Variants in HECW2 observed in about 807,000 individuals in gnomAD.
The protein encoded by HECW2 is HECT, C2 and WW domain containing E3 ubiquitin protein ligase 2, also known as E3 ubiquitin-protein ligase HECW2.
A neutral mutation model predicts 175.2 loss-of-function variants in HECW2; 61 were observed. The ratio of observed to expected loss-of-function variants is 0.35; its 90% confidence interval spans 0.28 to 0.43. HECW2 has a LOEUF of 0.43. Ranked by LOEUF, HECW2 falls within the 20% of genes least tolerant of loss-of-function variation. HECW2 has a pLI of 1.00. For synonymous variants in HECW2, 671 were observed against 731.0 expected (o/e 0.92, Z 1.32); for missense variants, 1,524 against 2,000.5 (o/e 0.76, Z 4.54).
At chr2:196,392,042 T>C (rs1476891776) in intron 2 of HECW2, among the ~76,000 whole-genome samples, 2 of 152,168 alleles carry the variant, frequency 1.3e-5, no homozygotes, top group East Asian at 3.8e-4. Flanking sequence ...GCAAAGACCC[T>C]ACTTCCAAGC....
rs552494211 is a variant in HECW2, at chr2:196,469,001, C to T, written c.-35-35543G>A. On this transcript the variant is annotated intron_variant, in intron 1 of 28. Coordinates refer to ENST00000644978, the MANE Select transcript of HECW2 (RefSeq NM_001348768.2). ...TATCGTGATGGAAGAAGCAACAATT[C>T]TTTTTCAAGGAGAGGAGGTGATATG... 2.0e-5 allele frequency among the ~76,000 whole-genome samples: 3 copies of T among 152,130 alleles called. No homozygotes were observed. The South Asian group carries it at 6.2e-4, about 32-fold the overall frequency.
intron 24 of HECW2, 79 bp downstream of exon 24, chr2:196,222,132 T>A (rs2105820857): frequency 7.6e-7 from 1 of 1,310,796 alleles, no homozygotes; most frequent in East Asian, 2.4e-5. Flanking sequence ...GCATCTGATC[T>A]TAGCCATGGA....
In HECW2 at chr2:196,373,815, G is replaced by A. The variant is rs1040527161; in HGVS notation, c.293-30051C>T. On this transcript the variant is annotated intron_variant, in intron 2 of 28. Coordinates refer to ENST00000644978, the MANE Select transcript of HECW2 (RefSeq NM_001348768.2). ...TGGGAAGCCGAGGCGGGCAGATCAC[G>A]AGGTCAGGAGATCGAGACCATCCCG... 4.6e-5 allele frequency among the ~76,000 whole-genome samples: 7 copies of A among 152,136 alleles called. No individual in the cohort carries two copies. The East Asian group carries it at 1.4e-3, about 29-fold the overall frequency.
intron 1 of HECW2, among the ~76,000 whole-genome samples, chr2:196,449,840 T>A (rs183285885): frequency 0.013 from 1,949 of 151,576 alleles, 14 homozygotes; most frequent in Middle Eastern, 0.027. Flanking sequence ...CATTTTTTTT[T>A]AAATTTATAG....
chr2:196,268,804 T>G (rs934974105), intron 17 of HECW2, among the ~76,000 whole-genome samples: 1 of 152,182 alleles, frequency 6.6e-6, no homozygotes, highest in African/African-American at 2.4e-5. Context: ...ATTTTGTGAT[T>G]AGCAAAAGAG....
intron 19 of HECW2, among the ~76,000 whole-genome samples, chr2:196,248,478 G>A (rs1559462844): frequency 6.6e-6 from 1 of 151,914 alleles, no homozygotes; most frequent in Non-Finnish European, 1.5e-5. Flanking sequence ...CATCTTTGTA[G>A]GGCTGAGTCA....
chr2:196,274,106 TC>T lies in HECW2; in HGVS notation c.3152del (p.Arg1051HisfsTer89). 1 of 1,613,900 alleles carries T rather than the reference TC, an allele frequency of 6.2e-7. No individual in the cohort carries two copies. The highest frequency in any genetic ancestry group is 8.5e-7 in the Non-Finnish European group (1 of 1,179,742). On this transcript the variant is annotated frameshift_variant, in exon 16 of 29. Coordinates refer to ENST00000644978, the MANE Select transcript of HECW2 (RefSeq NM_001348768.2). LOFTEE classifies it high-confidence loss of function. ...HSAGEVGEDS[R>X]HAGPPVLPRP... is the part of the protein sequence containing the mutation. ...TGGGAAGAACTGGTGGTCCTGCATG[TC>T]GAGAATCTTCTCCTACCTGCAAACA...
intron 1 of HECW2, among the ~76,000 whole-genome samples, chr2:196,487,550 C>A (rs1022206370): frequency 1.3e-5 from 2 of 152,052 alleles, no homozygotes; most frequent in African/African-American, 4.8e-5. Context: ...GGAACCACAC[C>A]CCACTCTCCA....
chr2:196,577,824 T>C (rs1690615603), intron 1 of HECW2, among the ~76,000 whole-genome samples: 1 of 152,132 alleles, frequency 6.6e-6, no homozygotes, highest in Admixed American at 6.5e-5. Context: ...TAGCTACATA[T>C]GACAAAGAAT....
intron 17 of HECW2, among the ~76,000 whole-genome samples, chr2:196,269,840 A>G (rs1689662051): frequency 6.6e-6 from 1 of 152,238 alleles, no homozygotes; most frequent in African/African-American, 2.4e-5. Context: ...ATTGCAGCCA[A>G]CTGTGCCATC....
chr2:196,512,488 C>CT (rs2125418147), intron 1 of HECW2, among the ~76,000 whole-genome samples: 1 of 152,066 alleles, frequency 6.6e-6, no homozygotes, highest in East Asian at 1.9e-4. Context: ...AGCTCTCAGG[C>CT]TCAAGCAGTC....
intron 10 of HECW2, among the ~76,000 whole-genome samples, chr2:196,312,115 C>T (rs1403286174): frequency 1.3e-5 from 2 of 152,078 alleles, no homozygotes; most frequent in Non-Finnish European, 1.5e-5. Context: ...TTCCCACTCC[C>T]TTCAAATCAG....
At chr2:196,261,703 A>AT (rs1339877017) in intron 17 of HECW2, among the ~76,000 whole-genome samples, 2 of 152,254 alleles carry the variant, frequency 1.3e-5, no homozygotes, top group Middle Eastern at 3.4e-3. Flanking sequence ...AATGTTATTG[A>AT]TTTTTTCTAG....
chr2:196,582,069 A>T (rs867096568), intron 1 of HECW2, among the ~76,000 whole-genome samples: 3 of 150,262 alleles, frequency 2.0e-5, no homozygotes, highest in Non-Finnish European at 4.4e-5. Flanking sequence ...CCATCTCGAA[A>T]AATAATAATA....
intron 2 of HECW2, among the ~76,000 whole-genome samples, chr2:196,400,059 AG>A (rs1019109333): frequency 6.6e-6 from 1 of 152,238 alleles, no homozygotes; most frequent in Admixed American, 6.5e-5. Context: ...GAAAGCATGG[AG>A]AAATTTGTCT....
chr2:196,566,281 CA>C (rs34450556), intron 1 of HECW2, among the ~76,000 whole-genome samples: 129,063 of 136,264 alleles, frequency 0.95, 61,123 homozygotes, highest in East Asian at 0.98. Context: ...CAAAAATAAG[CA>C]AAAAAAAAAA....
At chr2:196,531,324 C>T (rs1688831553) in intron 1 of HECW2, among the ~76,000 whole-genome samples, 1 of 152,114 alleles carries the variant, frequency 6.6e-6, no homozygotes, top group Non-Finnish European at 1.5e-5. Flanking sequence ...GTTACAGCAG[C>T]TTAGCTTGTA....
intron 1 of HECW2, among the ~76,000 whole-genome samples, chr2:196,505,173 T>TA (rs1017178200): frequency 6.6e-6 from 1 of 152,176 alleles, no homozygotes; most frequent in East Asian, 1.9e-4. Context: ...CCTTACCATT[T>TA]AAAAAAACTT....
chr2:196,302,235 C>T (rs1161358116), intron 13 of HECW2, among the ~76,000 whole-genome samples: 1 of 152,044 alleles, frequency 6.6e-6, no homozygotes, highest in Non-Finnish European at 1.5e-5. Context: ...CTATTCTGTT[C>T]CATTGGTCTA....
Sources: allele counts gnomAD v4.1 joint callset (sites outside exome capture counted in the v4.1 genomes callset), GRCh38; gene constraint gnomAD v4.1.1; transcripts MANE v1.5; gene names NCBI Gene and HGNC (gene_info 2026-07-23, HGNC 2026-07-21).